Variants in ATP8B4 observed in about 807,000 individuals in gnomAD.
The protein encoded by ATP8B4 is probable phospholipid-transporting ATPase IM.
In ATP8B4, 133 loss-of-function variants were observed where a neutral mutation model predicts 145.6. The observed-to-expected ratio is 0.91, with a 90% CI of 0.79 to 1.05. The LOEUF (loss-of-function observed/expected upper bound fraction) is 1.05, where lower values mean the gene tolerates loss of function less well. Among genes scored for constraint, ATP8B4 ranks in the 50% least tolerant of loss-of-function variants. ATP8B4 has a pLI of 0.00. For synonymous variants in ATP8B4, 507 were observed against 492.9 expected (o/e 1.03, Z -0.38); for missense variants, 1,458 against 1,425.2 (o/e 1.02, Z -0.37).
intron 20 of ATP8B4, among the ~76,000 whole-genome samples, chr15:49,903,207 G>T (rs566511393): frequency 3.0e-4 from 45 of 152,198 alleles, no homozygotes; most frequent in African/African-American, 1.1e-3. Context: ...CTGGAATTTA[G>T]CTCTTCAAAC....
chr15:49,907,557 A>G (rs766786625), intron 20 of ATP8B4, among the ~76,000 whole-genome samples: 14 of 152,222 alleles, frequency 9.2e-5, no homozygotes, highest in Non-Finnish European at 1.8e-4. Flanking sequence ...GGGAGAAGGG[A>G]GGAAATAGAC....
intron 12 of ATP8B4, 91 bp downstream of exon 12, chr15:49,979,526 T>A: frequency 9.4e-7 from 1 of 1,067,944 alleles, no homozygotes; most frequent in Non-Finnish European, 1.3e-6. Context: ...GAGCAAGACA[T>A]CTATTGCACT....
intron 13 of ATP8B4, among the ~76,000 whole-genome samples, chr15:49,969,342 T>C (rs550401016): frequency 2.0e-4 from 30 of 152,218 alleles, no homozygotes; most frequent in African/African-American, 6.5e-4. Context: ...AGGAGCTGGT[T>C]TTTTGAAAAG....
intron 20 of ATP8B4, among the ~76,000 whole-genome samples, chr15:49,905,959 TAC>T (rs111266326): frequency 1.6e-3 from 244 of 151,020 alleles, no homozygotes; most frequent in African/African-American, 5.7e-3. Flanking sequence ...TACATATATA[TAC>T]ACACACACAC....
At chr15:50,146,179 A>G (rs1439677608) in intron 1 of ATP8B4, among the ~76,000 whole-genome samples, 5 of 151,832 alleles carry the variant, frequency 3.3e-5, no homozygotes, top group Admixed American at 2.6e-4. Flanking sequence ...TGCCCAGCTA[A>G]TTTTTTGTGT....
intron 23 of ATP8B4, chr15:49,879,688 C>G: frequency 4.6e-6 from 2 of 439,182 alleles, no homozygotes; most frequent in Non-Finnish European, 8.1e-6. Flanking sequence ...TATACCCTTC[C>G]TGCAGTGTGG....
chr15:50,151,742 A>C (rs1400716064), intron 1 of ATP8B4, among the ~76,000 whole-genome samples: 2 of 5,326 alleles, frequency 3.8e-4, no homozygotes, highest in Admixed American at 1.9e-3. Flanking sequence ...ACCTGTCTCA[A>C]AAAAAAAAAA....
rs2039989520 is a variant in ATP8B4, at chr15:49,918,851, C to A, written c.2023G>T (p.Gly675Ter). The change falls in exon 19 of 28, where the codon GGA becomes TGA. Residue 675 changes from glycine to a stop codon, truncating the protein, a stop_gained. Coordinates refer to ENST00000284509, the MANE Select transcript of ATP8B4 (RefSeq NM_024837.4). LOFTEE classifies it high-confidence loss of function. ...ATTTTCAAGTTACCTTGTTTGTCTC[C>A]TGTTAGGACCCAGATCTTAATATTG... ...LANIKIWVLT[G>*]DKQETAINIG... is the part of the protein sequence containing the mutation. The A allele has an allele frequency of 3.1e-6, 5 of 1,608,368 alleles. No homozygotes were observed. Among genetic ancestry groups the A allele is most frequent in the Non-Finnish European group, 4.3e-6 (5 of 1,175,798 alleles).
At chr15:49,894,662 G>A (rs949818662) in intron 23 of ATP8B4, among the ~76,000 whole-genome samples, 1 of 152,156 alleles carries the variant, frequency 6.6e-6, no homozygotes. Flanking sequence ...ACCGCATTTA[G>A]ATCTTAAGAC....
At chr15:50,070,349 C>T (rs2053646045) in intron 3 of ATP8B4, among the ~76,000 whole-genome samples, 1 of 152,092 alleles carries the variant, frequency 6.6e-6, no homozygotes, top group Admixed American at 6.6e-5. Flanking sequence ...GTTCAAATCC[C>T]AGCTCTACTT....
At chr15:49,881,470 C>T (rs922859133) in intron 23 of ATP8B4, among the ~76,000 whole-genome samples, 2 of 152,140 alleles carry the variant, frequency 1.3e-5, no homozygotes, top group African/African-American at 4.8e-5. Flanking sequence ...TCAGTATGGG[C>T]CAGTTCCAAG....
intron 6 of ATP8B4, among the ~76,000 whole-genome samples, chr15:50,030,846 T>C (rs2050379758): frequency 1.3e-5 from 2 of 152,230 alleles, no homozygotes. Context: ...TTTGGAGAAA[T>C]AGTCACCATT....
At chr15:49,938,706 G>A (rs936575688) in intron 14 of ATP8B4, among the ~76,000 whole-genome samples, 17 of 152,106 alleles carry the variant, frequency 1.1e-4, no homozygotes, top group African/African-American at 3.9e-4. Flanking sequence ...CATCAAGGCA[G>A]AAAACTAGCA....
At chr15:50,014,786 T>C (rs1277637344) in intron 6 of ATP8B4, among the ~76,000 whole-genome samples, 1 of 152,160 alleles carries the variant, frequency 6.6e-6, no homozygotes, top group Non-Finnish European at 1.5e-5. Flanking sequence ...GCCCTAGAGA[T>C]AGGTATTGTT....
chr15:50,032,561 T>C (rs1042338125), intron 6 of ATP8B4, among the ~76,000 whole-genome samples: 13 of 152,194 alleles, frequency 8.5e-5, no homozygotes, highest in African/African-American at 3.1e-4. Flanking sequence ...GTAATGGAAT[T>C]GCTGGGTCAA....
At chr15:49,896,874 C>A (rs1382581415) in intron 23 of ATP8B4, 3 of 156,534 alleles carry the variant, frequency 1.9e-5, no homozygotes, top group Non-Finnish European at 2.8e-5. Flanking sequence ...TGTCAGAGTA[C>A]CAATCAGTCC....
chr15:50,038,001 T>A (rs1393207097), intron 6 of ATP8B4, among the ~76,000 whole-genome samples: 1 of 152,206 alleles, frequency 6.6e-6, no homozygotes, highest in Non-Finnish European at 1.5e-5. Flanking sequence ...AAAATTACAT[T>A]CTTCACGGTA....
intron 1 of ATP8B4, among the ~76,000 whole-genome samples, chr15:50,176,651 G>A (rs2044767529): frequency 6.6e-6 from 1 of 152,136 alleles, no homozygotes; most frequent in South Asian, 2.1e-4. Context: ...AGAGAAAGCT[G>A]TTGAAAAAAT....
At chr15:50,070,599 C>T (rs991756845) in intron 3 of ATP8B4, among the ~76,000 whole-genome samples, 10 of 152,182 alleles carry the variant, frequency 6.6e-5, no homozygotes, top group African/African-American at 2.4e-4. Context: ...TTCTCTGAGC[C>T]ACAATGGAAG....
Sources: allele counts gnomAD v4.1 joint callset (sites outside exome capture counted in the v4.1 genomes callset), GRCh38; gene constraint gnomAD v4.1.1; transcripts MANE v1.5; gene names NCBI Gene and HGNC (gene_info 2026-07-23, HGNC 2026-07-21).